SYNPR: variants seen among roughly 807,000 people sequenced by gnomAD.
The protein encoded by SYNPR is synaptoporin.
In SYNPR, 23 loss-of-function variants were observed where a neutral mutation model predicts 32.9. The observed-to-expected ratio is 0.70, with a 90% CI of 0.50 to 0.99. The LOEUF is 0.99. Ranked by LOEUF, SYNPR falls within the 50% of genes least tolerant of loss-of-function variation. SYNPR has a pLI of 0.00. For missense variants in SYNPR, 318 were observed against 349.3 expected, an observed-to-expected ratio of 0.91 and a Z score of 0.71; for synonymous variants, 146 against 135.9, an observed-to-expected ratio of 1.07 and a Z score of -0.52.
intron 2 of SYNPR, among the ~76,000 whole-genome samples, chr3:63,452,788 C>T (rs967936841): frequency 2.0e-5 from 3 of 152,090 alleles, no homozygotes; most frequent in Non-Finnish European, 4.4e-5. Context: ...AGGCTCTCAC[C>T]CATTATGTTA....
rs912213937 is a variant in SYNPR, at chr3:63,541,061, T to A, written c.210-15482T>A. On this transcript the variant is annotated intron_variant, in intron 3 of 5. Coordinates refer to ENST00000478300, the MANE Select transcript of SYNPR (RefSeq NM_001130003.2). ...GAACATGTGACCTAATTTGAAGTTTTTCTCTTGGAGCTGGGAGAACGATGG... is the reference window on the plus strand; with the variant it reads ...GAACATGTGACCTAATTTGAAGTTTATCTCTTGGAGCTGGGAGAACGATGG... Among the ~76,000 whole-genome samples, 5 of 151,894 alleles carry A rather than the reference T, an allele frequency of 3.3e-5. No homozygotes were observed. The East Asian group carries it at 7.8e-4, about 24-fold the overall frequency.
chr3:63,509,299 TAC>T (rs1240793421), intron 3 of SYNPR, among the ~76,000 whole-genome samples: 1 of 150,214 alleles, frequency 6.7e-6, no homozygotes, highest in African/African-American at 2.4e-5. Flanking sequence ...TATATATATA[TAC>T]ACACACATAT....
intron 2 of SYNPR, among the ~76,000 whole-genome samples, chr3:63,458,496 G>A (rs1461892269): frequency 6.6e-6 from 1 of 152,116 alleles, no homozygotes; most frequent in Non-Finnish European, 1.5e-5. Context: ...CTGTCATCAA[G>A]TGAACTAGCC....
chr3:63,467,305 GT>G (rs529694561), intron 2 of SYNPR, among the ~76,000 whole-genome samples: 80 of 152,308 alleles, frequency 5.3e-4, no homozygotes, highest in African/African-American at 1.9e-3. Flanking sequence ...TGCCAGTAGT[GT>G]TCTTAAAGAA....
At chr3:63,356,907 G>A (rs984188594) in intron 2 of SYNPR, among the ~76,000 whole-genome samples, 1 of 152,188 alleles carries the variant, frequency 6.6e-6, no homozygotes, top group Non-Finnish European at 1.5e-5. Flanking sequence ...AGTTAAGCAG[G>A]CTGGCTCTAG....
In SYNPR at chr3:63,558,563, T is replaced by C. The variant is rs575224003; in HGVS notation, c.408+1822T>C. Reference sequence around the variant, plus strand: ...TTTTGCAGAGACAGGGTCTCAAACTTCTGGACTCAGGTTATCCTCCCGCCT... The same window carrying C: ...TTTTGCAGAGACAGGGTCTCAAACTCCTGGACTCAGGTTATCCTCCCGCCT... On this transcript the variant is annotated intron_variant, in intron 4 of 5. Transcript: ENST00000478300. Among the ~76,000 whole-genome samples, 29 of 152,256 alleles carry C rather than the reference T, an allele frequency of 1.9e-4. 1 individual carries two copies. The South Asian group carries it at 5.8e-3, about 30-fold the overall frequency.
At chr3:63,454,759 G>A (rs561784594) in intron 2 of SYNPR, among the ~76,000 whole-genome samples, 43 of 152,030 alleles carry the variant, frequency 2.8e-4, no homozygotes, top group Admixed American at 2.4e-3. Flanking sequence ...TCTGTGTGAT[G>A]TGATGTGATG....
At chr3:63,493,303 T>C (rs1438725062) in intron 3 of SYNPR, among the ~76,000 whole-genome samples, 1 of 152,040 alleles carries the variant, frequency 6.6e-6, no homozygotes, top group Non-Finnish European at 1.5e-5. Context: ...GACTCGCTAG[T>C]CAGATACTCT....
intron 3 of SYNPR, among the ~76,000 whole-genome samples, chr3:63,491,630 C>T (rs909561199): frequency 5.3e-5 from 8 of 152,256 alleles, no homozygotes; most frequent in African/African-American, 1.7e-4. Flanking sequence ...AAGTGATTCT[C>T]GTGCCTCAGC....
intron 2 of SYNPR, among the ~76,000 whole-genome samples, chr3:63,422,904 C>G (rs1042693319): frequency 1.3e-5 from 2 of 151,916 alleles, no homozygotes; most frequent in African/African-American, 2.4e-5. Flanking sequence ...AAATGTCCAT[C>G]ATTAGACAAA....
chr3:63,263,990 A>C (rs2086460683), intron 2 of SYNPR, among the ~76,000 whole-genome samples: 1 of 152,180 alleles, frequency 6.6e-6, no homozygotes. Flanking sequence ...TCCCAATATT[A>C]CAAACAAGGC....
At chr3:63,293,951 G>A (rs193281465) in intron 2 of SYNPR, among the ~76,000 whole-genome samples, 27 of 152,196 alleles carry the variant, frequency 1.8e-4, no homozygotes, top group Admixed American at 1.2e-3. Flanking sequence ...ATGAATCTTC[G>A]GAGTACCCAA....
At chr3:63,288,361 T>C (rs1016257357) in intron 2 of SYNPR, among the ~76,000 whole-genome samples, 2 of 152,228 alleles carry the variant, frequency 1.3e-5, no homozygotes, top group Non-Finnish European at 2.9e-5. Context: ...GGTTTAAAAG[T>C]AAATGATTTT....
At chr3:63,248,059 A>G (rs2086305063) in intron 1 of SYNPR, among the ~76,000 whole-genome samples, 1 of 152,084 alleles carries the variant, frequency 6.6e-6, no homozygotes. Context: ...TGCCCAGGGG[A>G]AAGGTGATGC....
chr3:63,506,362 T>G (rs979995747), intron 3 of SYNPR, among the ~76,000 whole-genome samples: 1 of 152,194 alleles, frequency 6.6e-6, no homozygotes, highest in African/African-American at 2.4e-5. Flanking sequence ...TAGTTATTAA[T>G]TGTATGCCAC....
chr3:63,278,449 G>T lies in SYNPR; in HGVS notation c.-85G>T. 1 of 1,479,034 alleles carries T rather than the reference G, an allele frequency of 6.8e-7. No homozygotes were observed. Among genetic ancestry groups the T allele is most frequent in the South Asian group, 1.4e-5 (1 of 72,542 alleles). 91.6% of individuals were successfully genotyped at this position (1,479,034 alleles called of 1,614,324 possible). On this transcript the variant is annotated 5_prime_UTR_variant, in exon 1 of 6. Transcript: ENST00000478300. ...CGCTCCTCTGGCTGCTCCCGAAGGG[G>T]CTTCTGGCCCTGAGGACGGTGGTGC...
intron 2 of SYNPR, among the ~76,000 whole-genome samples, chr3:63,343,491 G>A (rs1198847553): frequency 1.3e-5 from 2 of 152,116 alleles, no homozygotes; most frequent in Non-Finnish European, 2.9e-5. Flanking sequence ...GACATTGTTT[G>A]GAGGTCCTGC....
intron 2 of SYNPR, among the ~76,000 whole-genome samples, chr3:63,477,601 G>A (rs999468254): frequency 6.6e-6 from 1 of 152,068 alleles, no homozygotes; most frequent in African/African-American, 2.4e-5. Flanking sequence ...GCCTGCTCTG[G>A]CTCTTCAGCT....
At chr3:63,361,687 G>T (rs1253331327) in intron 2 of SYNPR, among the ~76,000 whole-genome samples, 1 of 151,818 alleles carries the variant, frequency 6.6e-6, no homozygotes, top group Middle Eastern at 3.2e-3. Context: ...TTATTGTGAG[G>T]GTGATATGGG....
Sources: allele counts gnomAD v4.1 joint callset (sites outside exome capture counted in the v4.1 genomes callset), GRCh38; gene constraint gnomAD v4.1.1; transcripts MANE v1.5; gene names NCBI Gene and HGNC (gene_info 2026-07-23, HGNC 2026-07-21).